The following ACTR3 variants were observed in gnomAD, a reference collection of about 807,000 sequenced individuals.
ACTR3 encodes actin related protein 3.
Under a neutral mutation model 56.8 loss-of-function variants are expected in ACTR3, and 12 were observed. That is an observed-to-expected ratio of 0.21 (90% CI 0.14 to 0.34). The LOEUF (loss-of-function observed/expected upper bound fraction) is 0.34. Ranked by LOEUF, ACTR3 falls within the 10% of genes least tolerant of loss-of-function variation. The pLI, the probability that ACTR3 is intolerant of heterozygous loss-of-function variation, is 1.00. For missense variants in ACTR3, 282 were observed against 512.5 expected, an observed-to-expected ratio of 0.55 and a Z score of 4.34; for synonymous variants, 162 against 167.4, an observed-to-expected ratio of 0.97 and a Z score of 0.25.
At chr2:113,922,314 A>G (rs534469052) in intron 3 of ACTR3, among the ~76,000 whole-genome samples, 1 of 152,350 alleles carries the variant, frequency 6.6e-6, no homozygotes, top group East Asian at 1.9e-4. Flanking sequence ...GGTCTCTGAA[A>G]AAGCTGGAGG....
chr2:113,931,395 A>G lies in ACTR3; in HGVS notation c.431A>G (p.Gln144Arg). 1 of 1,563,258 alleles carries G rather than the reference A, an allele frequency of 6.4e-7. No homozygotes were observed. Among genetic ancestry groups the G allele is most frequent in the Non-Finnish European group, 8.7e-7 (1 of 1,154,668 alleles). The change falls in exon 5 of 12, where the codon CAG becomes CGG. Residue 144 changes from glutamine to arginine, a missense_variant and splice_region_variant. Physicochemically the swap from Gln to Arg is conservative, Grantham distance 43. Coordinates refer to ENST00000263238, the MANE Select transcript of ACTR3 (RefSeq NM_005721.5). The part of the protein sequence containing the change: ...FNVPGLYIAV[Q>R]AVLALAASWT... The stretch of plus-strand genomic sequence containing the variant: ...GTTCCAGGCTTGTACATTGCTGTGC[A>G]GGTAAGCAAGTTCATACTTTCTAAG...
intron 1 of ACTR3, among the ~76,000 whole-genome samples, chr2:113,893,745 C>T (rs567595692): frequency 6.6e-6 from 1 of 151,836 alleles, no homozygotes; most frequent in African/African-American, 2.4e-5. Context: ...TTTTTTTCCC[C>T]TGGTAAATAA....
chr2:113,898,713 C>G (rs1223721268), intron 1 of ACTR3, among the ~76,000 whole-genome samples: 1 of 152,054 alleles, frequency 6.6e-6, no homozygotes, highest in African/African-American at 2.4e-5. Context: ...AATGAATGCT[C>G]TCTTTAAAAA....
At chr2:113,950,280 T>C (rs1680097266) in intron 8 of ACTR3, among the ~76,000 whole-genome samples, 3 of 152,236 alleles carry the variant, frequency 2.0e-5, no homozygotes, top group African/African-American at 4.8e-5. Flanking sequence ...ACAGCCTCCT[T>C]GTGTTTACTA....
chr2:113,900,955 T>G (rs537804482), intron 1 of ACTR3, among the ~76,000 whole-genome samples: 1 of 152,366 alleles, frequency 6.6e-6, no homozygotes, highest in African/African-American at 2.4e-5. Context: ...CATTGCTGTT[T>G]ATCTTTATAG....
intron 3 of ACTR3, among the ~76,000 whole-genome samples, chr2:113,923,587 G>A (rs1196354488): frequency 2.0e-5 from 3 of 151,940 alleles, no homozygotes. Context: ...TGCCTGCCTC[G>A]GCCTCCCAAA....
intron 1 of ACTR3, among the ~76,000 whole-genome samples, chr2:113,910,863 T>G (rs995331411): frequency 2.0e-5 from 3 of 152,208 alleles, no homozygotes; most frequent in Admixed American, 6.5e-5. Flanking sequence ...TATAGCAGCT[T>G]GAATTGTGGT....
rs936265354 is a variant in ACTR3, at chr2:113,961,385, A to G, written c.*3930A>G. ...GGAACAATAAAAAAGGAACAACGAT[A>G]GAAATACGTGATCTAGGAAAGAAGG... On this transcript the variant is annotated 3_prime_UTR_variant, in exon 12 of 12. Transcript: ENST00000263238. 1 of 151,994 alleles carries G rather than the reference A, an allele frequency of 6.6e-6. No individual in the cohort carries two copies. Among genetic ancestry groups the G allele is most frequent in the African/African-American group, 2.4e-5 (1 of 41,444 alleles). The allele number at this position is 151,994 out of a possible 1,614,324, so 9.4% of individuals were successfully genotyped here.
chr2:113,909,914 T>G (rs968380114), intron 1 of ACTR3, among the ~76,000 whole-genome samples: 1 of 152,210 alleles, frequency 6.6e-6, no homozygotes, highest in Non-Finnish European at 1.5e-5. Flanking sequence ...CTTAATCTTG[T>G]AGCCAGTAGA....
At chr2:113,925,105 C>T (rs1679591739) in intron 3 of ACTR3, among the ~76,000 whole-genome samples, 1 of 151,572 alleles carries the variant, frequency 6.6e-6, no homozygotes, top group Non-Finnish European at 1.5e-5. Context: ...CCATATTGGC[C>T]AGGCTGGTCT....
At chr2:113,956,130 G>T (rs1680208108) in intron 11 of ACTR3, among the ~76,000 whole-genome samples, 1 of 151,932 alleles carries the variant, frequency 6.6e-6, no homozygotes. Flanking sequence ...GGGCTCAAGT[G>T]ATCCTTCCAC....
At chr2:113,945,748 A>T (rs937950280) in intron 8 of ACTR3, among the ~76,000 whole-genome samples, 3 of 152,020 alleles carry the variant, frequency 2.0e-5, no homozygotes. Flanking sequence ...AGGTATTATT[A>T]AGTCTAGTAT....
At chr2:113,922,892 A>G (rs17045956) in intron 3 of ACTR3, among the ~76,000 whole-genome samples, 11,183 of 152,244 alleles carry the variant, frequency 0.073, 459 homozygotes, top group African/African-American at 0.1. Flanking sequence ...TGCTAGAATA[A>G]TAAGAGGTTG....
At chr2:113,935,202 T>C (rs972320441) in intron 6 of ACTR3, among the ~76,000 whole-genome samples, 2 of 152,154 alleles carry the variant, frequency 1.3e-5, no homozygotes, top group African/African-American at 4.8e-5. Context: ...TGTTTAACGA[T>C]AGCTTAAGAT....
rs181075644 is a variant in ACTR3, at chr2:113,952,290, C to T, written c.1077+445C>T. 113 of 155,454 alleles carry T rather than the reference C, an allele frequency of 7.3e-4. 1 individual carries two copies. The East Asian group carries it at 0.01, about 14-fold the overall frequency. The allele number at this position is 155,454 out of a possible 1,614,324, so 9.6% of individuals were successfully genotyped here. A position where few individuals can be genotyped will look rare whatever the true frequency, so the allele number is the denominator to read the frequency against. On this transcript the variant is annotated intron_variant, in intron 10 of 11. Coordinates refer to ENST00000263238, the MANE Select transcript of ACTR3 (RefSeq NM_005721.5). ...GCAACCTCAAAGTGTGCAGTCAAAT[C>T]GGTGGTTTAATAAAGTAACCTTTGT...
chr2:113,908,348 T>A (rs1269346148), intron 1 of ACTR3, among the ~76,000 whole-genome samples: 1 of 151,790 alleles, frequency 6.6e-6, no homozygotes, highest in Non-Finnish European at 1.5e-5. Context: ...TTTTTAGAGT[T>A]CATAAAAATA....
In ACTR3 at chr2:113,940,104, T is replaced by TA. The variant is rs1679897638; in HGVS notation, c.684+7dup. ...TTGGAAACTGCTAAGGCAGTAAAGG[T>TA]AAAAAGTGTGATAGGAGTGTAATTT... is the stretch of plus-strand genomic sequence containing the variant. On this transcript the variant is annotated splice_region_variant and intron_variant, in intron 7 of 11. Transcript: ENST00000263238. The TA allele has an allele frequency of 1.2e-6, 2 of 1,610,002 alleles. No individual in the cohort carries two copies. Among genetic ancestry groups the TA allele is most frequent in the Admixed American group, 1.7e-5 (1 of 59,242 alleles).
chr2:113,953,150 T>C (rs2104630404), intron 10 of ACTR3: 1 of 152,346 alleles, frequency 6.6e-6, no homozygotes, highest in African/African-American at 2.4e-5. Context: ...AACAATGCTG[T>C]ATGTTTCTGA....
intron 3 of ACTR3, among the ~76,000 whole-genome samples, chr2:113,923,343 TTTG>T (rs538040343): frequency 6.6e-6 from 1 of 150,848 alleles, no homozygotes. Context: ...TGTTTGTTTG[TTTG>T]TTTGTTTTTG....
Sources: gnomAD v4.1 joint callset for allele counts (sites outside exome capture counted in the v4.1 genomes callset) on GRCh38, gnomAD v4.1.1 for gene constraint, MANE v1.5 for transcripts, NCBI Gene and HGNC (gene_info 2026-07-23, HGNC 2026-07-21) for gene names.